Variants in ITGA11 observed in about 807,000 individuals in gnomAD.
The protein encoded by ITGA11 is integrin subunit alpha 11.
Under a neutral mutation model 141.9 loss-of-function variants are expected in ITGA11, and 97 were observed. The ratio of observed to expected loss-of-function variants is 0.68; its 90% CI spans 0.58 to 0.81. The LOEUF is 0.81. Among genes scored for constraint, ITGA11 ranks in the 30% least tolerant of loss-of-function variants. ITGA11 has a pLI of 0.00. For missense variants in ITGA11, 1,387 were observed against 1,559.2 expected (o/e 0.89, Z 1.86); for synonymous variants, 658 against 624.6 (o/e 1.05, Z -0.80).
At chr15:68,402,838 C>A in intron 2 of ITGA11, 80 bp downstream of exon 2, 1 of 968,102 alleles carries the variant, frequency 1.0e-6, no homozygotes, top group South Asian at 1.5e-5. Flanking sequence ...AGTGGGGCAG[C>A]CACAGGGCAC....
chr15:68,374,975 C>T (rs1184183263), intron 2 of ITGA11, among the ~76,000 whole-genome samples: 1 of 152,226 alleles, frequency 6.6e-6, no homozygotes, highest in East Asian at 1.9e-4. Flanking sequence ...GTCTGAGGCT[C>T]AGAATGTAAG....
At chr15:68,381,492 G>A (rs1054857492) in intron 2 of ITGA11, among the ~76,000 whole-genome samples, 1 of 152,130 alleles carries the variant, frequency 6.6e-6, no homozygotes, top group Admixed American at 6.5e-5. Context: ...AGGTACCAGG[G>A]ATTGCGCTAC....
In ITGA11 at chr15:68,351,331, G is replaced by A; in HGVS notation, c.821C>T (p.Ser274Phe). The change falls in exon 8 of 30, where the codon TCC (serine) becomes TTC (phenylalanine). Residue 274 changes from serine to phenylalanine, a missense_variant. Physicochemically the swap from Ser to Phe is radical, Grantham distance 155 (BLOSUM62 -2). Coordinates refer to ENST00000315757, the MANE Select transcript of ITGA11 (RefSeq NM_001004439.2). ...CTTCTCCAGGTCTGGGCTGTCGTGG[G>A]ACTCCCCATCTGTGATGACAATCAT... is the stretch of plus-strand genomic sequence containing the variant. ...KVMIVITDGE[S>F]HDSPDLEKVI... 2 of 1,613,982 alleles carry A rather than the reference G, an allele frequency of 1.2e-6. No homozygotes were observed. Among genetic ancestry groups the A allele is most frequent in the Non-Finnish European group, 1.7e-6 (2 of 1,179,870 alleles).
At chr15:68,369,442 T>C (rs1364689205) in intron 2 of ITGA11, among the ~76,000 whole-genome samples, 158 bp from the exon 3 acceptor site, 2 of 152,126 alleles carry the variant, frequency 1.3e-5, no homozygotes, top group Non-Finnish European at 2.9e-5. Context: ...CTGGGACCAC[T>C]GTCTCCCTGA....
intron 2 of ITGA11, among the ~76,000 whole-genome samples, chr15:68,398,022 A>C (rs1306872345): frequency 6.6e-6 from 1 of 150,898 alleles, no homozygotes; most frequent in Non-Finnish European, 1.5e-5. Context: ...ATGGAAAGGA[A>C]CAACCGGTAC....
intron 16 of ITGA11, among the ~76,000 whole-genome samples, chr15:68,327,391 T>G (rs1894014314): frequency 6.6e-6 from 1 of 152,216 alleles, no homozygotes; most frequent in Non-Finnish European, 1.5e-5. Flanking sequence ...GGCTCTCATA[T>G]CTGTCTCCTC....
At chr15:68,338,317 A>G (rs1181823485) in intron 11 of ITGA11, among the ~76,000 whole-genome samples, 3 of 152,160 alleles carry the variant, frequency 2.0e-5, no homozygotes, top group Non-Finnish European at 2.9e-5. Flanking sequence ...TCCTACCTCA[A>G]TTGTGTTATA....
intron 10 of ITGA11, among the ~76,000 whole-genome samples, chr15:68,347,921 TACACAC>T (rs59472483): frequency 0.46 from 69,996 of 150,888 alleles, 16,439 homozygotes; most frequent in Middle Eastern, 0.68. Flanking sequence ...AGAACACACA[TACACAC>T]ACACACACAC....
intron 3 of ITGA11, among the ~76,000 whole-genome samples, chr15:68,367,017 C>T (rs1895442472): frequency 6.6e-6 from 1 of 152,196 alleles, no homozygotes; most frequent in African/African-American, 2.4e-5. Context: ...GCATTTTCCA[C>T]TGTGGGGCAA....
At chr15:68,375,158 T>C (rs1260190158) in intron 2 of ITGA11, among the ~76,000 whole-genome samples, 1 of 152,188 alleles carries the variant, frequency 6.6e-6, no homozygotes, top group African/African-American at 2.4e-5. Flanking sequence ...CTCTCTCCTC[T>C]CTCACCCCAT....
intron 2 of ITGA11, among the ~76,000 whole-genome samples, chr15:68,381,549 C>G (rs963698872): frequency 3.4e-5 from 4 of 116,042 alleles, no homozygotes; most frequent in Non-Finnish European, 5.2e-5. Flanking sequence ...GAGGCAGAGA[C>G]AGCATTCCAA....
chr15:68,342,740 A>G (rs916980861), intron 10 of ITGA11, among the ~76,000 whole-genome samples: 1 of 152,174 alleles, frequency 6.6e-6, no homozygotes, highest in South Asian at 2.1e-4. Flanking sequence ...GCCCTAGGTG[A>G]TATTTGCTTG....
rs543669719 is a variant in ITGA11 at position 68,308,697 on chromosome 15, C to T, written c.3175-1001G>A. 7.4e-4 allele frequency among the ~76,000 whole-genome samples: 113 copies of T among 151,836 alleles called. No homozygotes were observed. The highest frequency in any genetic ancestry group is 2.4e-3 in the African/African-American group (99 of 41,304). On this transcript the variant is annotated intron_variant, in intron 26 of 29. Coordinates refer to ENST00000315757, the MANE Select transcript of ITGA11 (RefSeq NM_001004439.2). The surrounding 1 kb of genome is among the most constrained non-coding windows in gnomAD (Gnocchi z 5.2). ...GGCGGAGGTCGCAGTGAGCCGAGAT[C>T]GTGCCACTGCACTCCAGCTGGGTGA... is the stretch of plus-strand genomic sequence containing the variant.
intron 11 of ITGA11, among the ~76,000 whole-genome samples, chr15:68,338,812 G>A (rs1363898889): frequency 6.6e-6 from 1 of 152,216 alleles, no homozygotes; most frequent in Non-Finnish European, 1.5e-5. Flanking sequence ...AGTGGATTTG[G>A]TTCAGAAATT....
At chr15:68,401,326 T>A (rs1896505592) in intron 2 of ITGA11, among the ~76,000 whole-genome samples, 1 of 152,100 alleles carries the variant, frequency 6.6e-6, no homozygotes, top group Non-Finnish European at 1.5e-5. Flanking sequence ...TAAACATAAC[T>A]ACCCTTTAAC....
At chr15:68,356,601 A>G (rs77712200) in intron 7 of ITGA11, among the ~76,000 whole-genome samples, 2,455 of 152,250 alleles carry the variant, frequency 0.016, 75 homozygotes, top group African/African-American at 0.056. Flanking sequence ...CCCATTCTAA[A>G]TGCTCTTCTG....
At chr15:68,314,395 C>T (rs149873306) in intron 22 of ITGA11, among the ~76,000 whole-genome samples, 166 of 152,220 alleles carry the variant, frequency 1.1e-3, no homozygotes, top group Middle Eastern at 3.4e-3. Flanking sequence ...AGACATCTTC[C>T]GGGGGGGTTC....
chr15:68,429,805 C>T (rs1340550361), intron 1 of ITGA11, among the ~76,000 whole-genome samples: 1 of 152,138 alleles, frequency 6.6e-6, no homozygotes, highest in Non-Finnish European at 1.5e-5. Flanking sequence ...AATAATACTC[C>T]AAAATATGAA....
At chr15:68,396,757 G>A (rs1341606668) in intron 2 of ITGA11, among the ~76,000 whole-genome samples, 1 of 148,420 alleles carries the variant, frequency 6.7e-6, no homozygotes, top group Non-Finnish European at 1.5e-5. Flanking sequence ...AAAATCAATT[G>A]TATTTTTATG....
Sources: allele counts gnomAD v4.1 joint callset (sites outside exome capture counted in the v4.1 genomes callset), GRCh38; gene constraint gnomAD v4.1.1; non-coding constraint Gnocchi (gnomAD v3.1); transcripts MANE v1.5; gene names NCBI Gene and HGNC (gene_info 2026-07-23, HGNC 2026-07-21).